The following XPO1 variants were observed in gnomAD, a reference collection of about 807,000 sequenced individuals.
XPO1 encodes exportin 1, also known as exportin-1.
Under a neutral mutation model 133.3 loss-of-function variants are expected in XPO1, and 5 were observed. That is an observed-to-expected ratio of 0.04 (90% confidence interval 0.02 to 0.08). The LOEUF is 0.08. Ranked by LOEUF, XPO1 falls within the 10% of genes least tolerant of loss-of-function variation. The pLI, the probability that XPO1 is intolerant of heterozygous loss-of-function variation, is 1.00. For missense variants in XPO1, 506 were observed against 1,267.5 expected, an observed-to-expected ratio of 0.40 and a Z score of 9.12; for synonymous variants, 419 against 408.2, an observed-to-expected ratio of 1.03 and a Z score of -0.32.
At chr2:61,482,293 C>T in intron 23 of XPO1, 87 bp downstream of exon 23, 2 of 1,314,888 alleles carry the variant, frequency 1.5e-6, no homozygotes, top group Non-Finnish European at 2.1e-6. Context: ...ATCCTCCCAC[C>T]TTAGGCTTCC....
At position 61,497,447 on chromosome 2, in the gene XPO1, G is replaced by A. The variant is rs577647128; in HGVS notation, c.760-440C>T. Among the ~76,000 whole-genome samples, 6 of 152,248 alleles carry A rather than the reference G, an allele frequency of 3.9e-5. No homozygotes were observed. In the East Asian group the frequency reaches 5.8e-4, roughly 15 times the overall value. Reference sequence around the variant, plus strand: ...AGGCTGGTCTCGATCTCCTGACCTCGTGATCCGCTCACCTCGACCTCCCAA... The same window carrying A: ...AGGCTGGTCTCGATCTCCTGACCTCATGATCCGCTCACCTCGACCTCCCAA... On this transcript the variant is annotated intron_variant, in intron 9 of 24. Coordinates refer to ENST00000401558, the MANE Select transcript of XPO1 (RefSeq NM_003400.4).
chr2:61,495,042 C>T (rs1022957665), intron 11 of XPO1, among the ~76,000 whole-genome samples: 4 of 151,850 alleles, frequency 2.6e-5, no homozygotes, highest in African/African-American at 9.7e-5. Flanking sequence ...CAGAGATTCA[C>T]GATGTAGGCC....
Position 61,529,284 on chromosome 2 carries a change from A to G in XPO1, c.127-2763T>C, listed in dbSNP as rs561358620. Among the ~76,000 whole-genome samples the G allele has an allele frequency of 1.3e-4, 20 of 152,378 alleles. No homozygotes were observed. The South Asian group carries it at 4.1e-3, about 32-fold the overall frequency. On this transcript the variant is annotated intron_variant, in intron 2 of 24. Transcript: ENST00000401558. ...AACAATAAAGCATCAAAAACAGGGT[A>G]GGAAGCACTCTCACAACCATTTCTG... is the stretch of plus-strand genomic sequence containing the variant.
intron 4 of XPO1, among the ~76,000 whole-genome samples, chr2:61,506,780 T>C (rs992843483): frequency 6.6e-6 from 1 of 152,070 alleles, no homozygotes; most frequent in African/African-American, 2.4e-5. Flanking sequence ...CAGAAACAGC[T>C]CAGCTTGAAA....
intron 4 of XPO1, among the ~76,000 whole-genome samples, chr2:61,511,978 C>G (rs1297014391): frequency 6.6e-6 from 1 of 152,056 alleles, no homozygotes; most frequent in Non-Finnish European, 1.5e-5. Flanking sequence ...CCATGTTGGC[C>G]AGACTGGTCT....
At chr2:61,504,801 CTA>C (rs1428695601) in intron 4 of XPO1, among the ~76,000 whole-genome samples, 1 of 152,068 alleles carries the variant, frequency 6.6e-6, no homozygotes, top group African/African-American at 2.4e-5. Flanking sequence ...TTTTTATTAA[CTA>C]TGACAACACT....
intron 16 of XPO1, among the ~76,000 whole-genome samples, chr2:61,491,741 A>G (rs552276450): frequency 5.9e-5 from 9 of 151,986 alleles, no homozygotes; most frequent in East Asian, 3.9e-4. Flanking sequence ...CAAGGGGGGG[A>G]AAAAGGTTAG....
At chr2:61,530,136 T>G (rs1325615444) in intron 2 of XPO1, among the ~76,000 whole-genome samples, 1 of 152,202 alleles carries the variant, frequency 6.6e-6, no homozygotes, top group Non-Finnish European at 1.5e-5. Flanking sequence ...GTATCAAAGA[T>G]CCTCACACAG....
At chr2:61,508,923 C>T (rs1697954369) in intron 4 of XPO1, among the ~76,000 whole-genome samples, 1 of 152,102 alleles carries the variant, frequency 6.6e-6, no homozygotes, top group Non-Finnish European at 1.5e-5. Flanking sequence ...ATTCCAATTC[C>T]TCTCCTCCCC....
chr2:61,502,483 C>T, intron 4 of XPO1, 173 bp from the exon 5 acceptor site: 1 of 574,410 alleles, frequency 1.7e-6, no homozygotes, highest in Admixed American at 3.3e-5. Flanking sequence ...GGTGCGGTGG[C>T]TCACGCTTGT....
At chr2:61,529,292 C>T (rs988606401) in intron 2 of XPO1, among the ~76,000 whole-genome samples, 8 of 152,202 alleles carry the variant, frequency 5.3e-5, no homozygotes, top group Middle Eastern at 6.3e-3. Context: ...GTAGGAAGCA[C>T]TCTCACAACC....
chr2:61,513,544 C>G (rs1436188790), intron 4 of XPO1, among the ~76,000 whole-genome samples: 2 of 151,574 alleles, frequency 1.3e-5, no homozygotes, highest in African/African-American at 4.9e-5. Context: ...AGGCTCGTCT[C>G]GAACTGCTGA....
In XPO1 at chr2:61,497,894, G is replaced by A. The variant is rs141672788; in HGVS notation, c.759+779C>T. ...TCTGTAGGACTGTTGACAATAGAAA[G>A]GTTTTTACATAATTAAGCAATAAAC... On this transcript the variant is annotated intron_variant, in intron 9 of 24. Transcript: ENST00000401558. Among the ~76,000 whole-genome samples the A allele has an allele frequency of 3.4e-3, 520 of 152,178 alleles. 1 individual carries two copies. The highest frequency in any genetic ancestry group is 0.011 in the African/African-American group (448 of 41,518).
intron 4 of XPO1, among the ~76,000 whole-genome samples, chr2:61,510,278 C>A (rs1483409725): frequency 6.6e-6 from 1 of 151,974 alleles, no homozygotes. Flanking sequence ...GAGACTATCT[C>A]AAAACAAAAC....
At position 61,488,950 on chromosome 2, in the gene XPO1, A is replaced by C. The variant is rs528373039; in HGVS notation, c.2023-179T>G. Reference sequence around the variant, plus strand: ...CCCCGTCTCTACTAAAAATACAAAAAAAATAGCCAGGCGTGGTGGCAGCCG... The same window carrying C: ...CCCCGTCTCTACTAAAAATACAAAACAAATAGCCAGGCGTGGTGGCAGCCG... On this transcript the variant is annotated intron_variant, in intron 17 of 24. Coordinates refer to ENST00000401558, the MANE Select transcript of XPO1 (RefSeq NM_003400.4). Among the ~76,000 whole-genome samples, 11 of 152,236 alleles carry C rather than the reference A, an allele frequency of 7.2e-5. No individual in the cohort carries two copies. The South Asian group carries it at 1.7e-3, about 23-fold the overall frequency.
intron 20 of XPO1, chr2:61,485,475 C>CCCG (rs1553402578): frequency 6.9e-6 from 1 of 145,212 alleles, no homozygotes; most frequent in African/African-American, 2.6e-5. Flanking sequence ...CTCAAGTGAC[C>CCCG]CCCCCCCCCA....
At chr2:61,491,322 G>T (rs927366914) in intron 16 of XPO1, among the ~76,000 whole-genome samples, 1 of 151,874 alleles carries the variant, frequency 6.6e-6, no homozygotes, top group East Asian at 1.9e-4. Flanking sequence ...TTAGCTGGGC[G>T]TGGTGGCAAG....
intron 4 of XPO1, among the ~76,000 whole-genome samples, chr2:61,508,531 A>G (rs1266161767): frequency 2.0e-5 from 3 of 152,360 alleles, no homozygotes; most frequent in Non-Finnish European, 2.9e-5. Flanking sequence ...AAAAGATGAG[A>G]TTTAAATAAA....
At chr2:61,508,179 T>C (rs1262281050) in intron 4 of XPO1, among the ~76,000 whole-genome samples, 4 of 152,164 alleles carry the variant, frequency 2.6e-5, no homozygotes, top group African/African-American at 2.4e-5. Context: ...CTGGCCAACA[T>C]AGTGAAACTC....
Sources: allele counts gnomAD v4.1 joint callset (sites outside exome capture counted in the v4.1 genomes callset), GRCh38; gene constraint gnomAD v4.1.1; transcripts MANE v1.5; gene names NCBI Gene and HGNC (gene_info 2026-07-23, HGNC 2026-07-21).